The following INTS7 variants were observed in gnomAD, a reference collection of about 807,000 sequenced individuals.
INTS7 encodes integrator complex subunit 7, also known as chromosome 1 open reading frame 73.
A neutral mutation model predicts 109.2 loss-of-function variants in INTS7; 46 were observed. The ratio of observed to expected loss-of-function variants is 0.42; its 90% confidence interval spans 0.33 to 0.54. INTS7 has a LOEUF of 0.54. INTS7 is among the 20% of genes least tolerant of loss of function. The pLI is 0.07. For synonymous variants in INTS7, 412 were observed against 402.9 expected, an observed-to-expected ratio of 1.02 and a Z score of -0.27; for missense variants, 929 against 1,132.4, an observed-to-expected ratio of 0.82 and a Z score of 2.58.
chr1:212,015,998 AT>A (rs1207074173), intron 4 of INTS7, among the ~76,000 whole-genome samples: 2 of 152,094 alleles, frequency 1.3e-5, no homozygotes, highest in Non-Finnish European at 2.9e-5. Context: ...CAAACCTGTT[AT>A]ATTACATAAC....
chr1:212,007,456 A>G lies in INTS7; in HGVS notation c.557-7T>C, dbSNP rs1665980781. The G allele has an allele frequency of 6.2e-7, 1 of 1,602,476 alleles. No homozygotes were observed. Among genetic ancestry groups the G allele is most frequent in the Non-Finnish European group, 8.6e-7 (1 of 1,169,516 alleles). ...TCTACTGGTGTCGCTAAACCTAGAC[A>G]CAAAAATAATTCTCAAGGTATTTGT... On this transcript the variant is annotated splice_region_variant and splice_polypyrimidine_tract_variant and intron_variant, in intron 5 of 19. Coordinates refer to ENST00000366994, the MANE Select transcript of INTS7 (RefSeq NM_015434.4).
intron 16 of INTS7, among the ~76,000 whole-genome samples, chr1:211,956,747 C>G (rs1663378539): frequency 6.6e-6 from 1 of 152,120 alleles, no homozygotes; most frequent in Non-Finnish European, 1.5e-5. Context: ...TCTGTATGAC[C>G]TGCTGAATGA....
chr1:212,012,863 C>A (rs187196696), intron 4 of INTS7, among the ~76,000 whole-genome samples: 1 of 152,030 alleles, frequency 6.6e-6, no homozygotes, highest in Non-Finnish European at 1.5e-5. Flanking sequence ...AATTTAATCA[C>A]TAAACTACAA....
At position 211,944,788 on chromosome 1, in the gene INTS7, T is replaced by C. The variant is rs538537398; in HGVS notation, c.2597A>G (p.Tyr866Cys). Residue 866 changes from tyrosine (Y) to cysteine (C), a missense_variant, in exon 19 of 20, where the codon TAC becomes TGC. By Grantham distance (194) the Tyr-to-Cys change is radical (BLOSUM62 -2). Around this residue, in one of 2 missense-constraint regions of INTS7, gnomAD observed 787 missense variants for 901.1 expected, o/e 0.87. Coordinates refer to ENST00000366994, the MANE Select transcript of INTS7 (RefSeq NM_015434.4). The stretch of plus-strand genomic sequence containing the variant: ...TCTGCCTCTTTTCTAAATTACCTTG[T>C]AGTCTTGTCCAGATTTACTCTGCAG... ...STLQSKSGQD[Y>C]KIPIDNMTNE... The C allele has an allele frequency of 5.0e-6, 8 of 1,612,844 alleles. No individual in the cohort carries two copies. The African/African-American group carries it at 6.7e-5, about 13-fold the overall frequency.
rs1558021624 is a variant in INTS7 at position 211,950,113 on chromosome 1, T to C, written c.2316+2456A>G. 3.9e-5 allele frequency among the ~76,000 whole-genome samples: 6 copies of C among 152,346 alleles called. No individual in the cohort carries two copies. In the South Asian group the frequency reaches 1.2e-3, roughly 32 times the overall value. ...TTGTGTTTGTTTATAAAATCTTTCTTTCTTAGACTATGGACAACTTGAGGG... is the reference window on the plus strand; with the variant it reads ...TTGTGTTTGTTTATAAAATCTTTCTCTCTTAGACTATGGACAACTTGAGGG... On this transcript the variant is annotated intron_variant, in intron 17 of 19. Transcript: ENST00000366994.
At chr1:211,976,245 C>T (rs1664413220) in intron 12 of INTS7, among the ~76,000 whole-genome samples, 3 of 152,064 alleles carry the variant, frequency 2.0e-5, no homozygotes, top group Non-Finnish European at 4.4e-5. Flanking sequence ...GGGAGAGGAA[C>T]AAAGATGTGG....
intron 7 of INTS7, among the ~76,000 whole-genome samples, chr1:211,994,377 T>TA (rs1349453822): frequency 1.3e-5 from 2 of 151,814 alleles, no homozygotes; most frequent in East Asian, 1.9e-4. Flanking sequence ...TCTGTTTAAT[T>TA]AAAATCAACA....
intron 7 of INTS7, among the ~76,000 whole-genome samples, chr1:212,001,837 C>A (rs1027836261): frequency 6.6e-6 from 1 of 152,158 alleles, no homozygotes; most frequent in African/African-American, 2.4e-5. Context: ...CCTTTTCAGG[C>A]CCCTTTGCTG....
In INTS7 at chr1:211,941,907, A is replaced by T; in HGVS notation, c.2806T>A (p.Ser936Thr). The T allele has an allele frequency of 1.2e-6, 2 of 1,614,178 alleles. No homozygotes were observed. Among genetic ancestry groups the T allele is most frequent in the African/African-American group, 2.7e-5 (2 of 75,026 alleles). Residue 936 changes from serine to threonine, a missense_variant, in exon 20 of 20, where the codon TCC becomes ACC. Coordinates refer to ENST00000366994, the MANE Select transcript of INTS7 (RefSeq NM_015434.4). ...IFVKSLEDPY[S>T]QQIRLQQQQA... ...TGCTGTTGTAAGCGAATTTGCTGGG[A>T]ATAAGGGTCTTCCAGGGATTTTACA...
chr1:211,982,621 C>A (rs1316385063), intron 9 of INTS7, 55 bp downstream of exon 9: 60 of 1,394,428 alleles, frequency 4.3e-5, no homozygotes, highest in Non-Finnish European at 5.6e-5. Flanking sequence ...AAACAGAATT[C>A]TGTCCAAGGT....
intron 1 of INTS7, among the ~76,000 whole-genome samples, chr1:212,032,312 C>G (rs1184100595): frequency 6.6e-6 from 1 of 152,114 alleles, no homozygotes; most frequent in Non-Finnish European, 1.5e-5. Flanking sequence ...TGACCCTCCC[C>G]ACTTCAGTCT....
In INTS7 at chr1:211,975,225, C is replaced by A. The variant is rs1174397327; in HGVS notation, c.1756G>T (p.Ala586Ser). 1 of 1,614,012 alleles carries A rather than the reference C, an allele frequency of 6.2e-7. No homozygotes were observed. The highest frequency in any genetic ancestry group is 8.5e-7 in the Non-Finnish European group (1 of 1,179,878). ...AAAGATTCAGCAATGCAAGAAAGTG[C>A]TGAACTATAATTTTCCTCTTGCAAC... ...TGLQEENYSS[A>S]LSCIAESLKF... The change falls in exon 13 of 20, where the codon GCA becomes TCA. Residue 586 changes from alanine (A) to serine (S), a missense_variant. By Grantham distance (99) the Ala-to-Ser change is moderately conservative. Coordinates refer to ENST00000366994, the MANE Select transcript of INTS7 (RefSeq NM_015434.4).
intron 1 of INTS7, among the ~76,000 whole-genome samples, chr1:212,026,138 C>T (rs1394312910): frequency 6.6e-6 from 1 of 152,008 alleles, no homozygotes; most frequent in African/African-American, 2.4e-5. Flanking sequence ...GACAGAGACC[C>T]TGTCTCCAAA....
chr1:212,023,928 T>C (rs1666811853), intron 1 of INTS7, among the ~76,000 whole-genome samples: 1 of 152,238 alleles, frequency 6.6e-6, no homozygotes, highest in Non-Finnish European at 1.5e-5. Flanking sequence ...TTCTTCTGCA[T>C]AGGGCTAGCC....
chr1:211,983,849 T>A (rs1403321677), intron 8 of INTS7, among the ~76,000 whole-genome samples: 1 of 121,556 alleles, frequency 8.2e-6, no homozygotes, highest in East Asian at 2.2e-4. Flanking sequence ...TTGTTTGTTT[T>A]GTTTTGTTTT....
intron 11 of INTS7, 37 bp from the exon 12 acceptor site, chr1:211,976,756 T>G (rs1464318301): frequency 6.2e-7 from 1 of 1,609,594 alleles, no homozygotes; most frequent in Non-Finnish European, 8.5e-7. Context: ...GAAAATCATT[T>G]AATTTTATTC....
chr1:211,958,666 AC>A (rs1663473370), intron 16 of INTS7, among the ~76,000 whole-genome samples: 2 of 152,048 alleles, frequency 1.3e-5, no homozygotes, highest in Non-Finnish European at 2.9e-5. Context: ...AAATGACATT[AC>A]CCCACAGGCC....
intron 1 of INTS7, among the ~76,000 whole-genome samples, chr1:212,029,875 G>T (rs982459415): frequency 2.0e-5 from 3 of 152,100 alleles, no homozygotes; most frequent in Admixed American, 2.0e-4. Flanking sequence ...AAAAATTGAT[G>T]GCAAAGCCCA....
intron 19 of INTS7, among the ~76,000 whole-genome samples, chr1:211,943,374 T>C (rs1197720990): frequency 6.6e-6 from 1 of 152,030 alleles, no homozygotes; most frequent in Non-Finnish European, 1.5e-5. Context: ...AGAAATTATA[T>C]GCAAGTAACA....
Sources: gnomAD v4.1 joint callset for allele counts (sites outside exome capture counted in the v4.1 genomes callset) on GRCh38, gnomAD v4.1.1 for gene constraint, gnomAD v4.1.1 regional missense constraint, MANE v1.5 for transcripts, NCBI Gene and HGNC (gene_info 2026-07-23, HGNC 2026-07-21) for gene names.